The following KLF12 variants were observed in gnomAD, a reference collection of about 807,000 sequenced individuals.
KLF12 encodes Krueppel-like factor 12.
A neutral mutation model predicts 37.8 loss-of-function variants in KLF12; 9 were observed. The observed-to-expected ratio is 0.24, with a 90% confidence interval of 0.14 to 0.42. The LOEUF is 0.42. Among genes scored for constraint, KLF12 ranks in the 10% least tolerant of loss-of-function variants. The probability of loss-of-function intolerance (pLI) is 1.00; values close to 1 mark genes in which losing one functional copy is unlikely to be tolerated. For missense variants in KLF12, 411 were observed against 516.0 expected, an observed-to-expected ratio of 0.80 and a Z score of 1.97; for synonymous variants, 208 against 202.1, an observed-to-expected ratio of 1.03 and a Z score of -0.25.
At chr13:74,047,410 C>T (rs141110431) in intron 1 of KLF12, among the ~76,000 whole-genome samples, 15,573 of 148,068 alleles carry the variant, frequency 0.11, 867 homozygotes, top group Admixed American at 0.11. Context: ...GCTAACACGG[C>T]GAAACCCCGT....
At chr13:74,266,058 T>A in the KLF12 span, among the ~76,000 whole-genome samples, 1 of 152,188 alleles carries the variant, frequency 6.6e-6, no homozygotes, top group Admixed American at 6.5e-5. Context: ...CAGCTGCTGT[T>A]CCAGATGTTG....
At chr13:73,758,972 A>C (rs1427523599) in intron 6 of KLF12, among the ~76,000 whole-genome samples, 1 of 152,158 alleles carries the variant, frequency 6.6e-6, no homozygotes, top group Non-Finnish European at 1.5e-5. Flanking sequence ...CCCAAGCTAA[A>C]TTTGAGGAGG....
rs1257893840 is a variant in KLF12, at chr13:74,114,781, C to T, written c.-32+18958G>A. 2.6e-5 allele frequency among the ~76,000 whole-genome samples: 4 copies of T among 152,286 alleles called. No homozygotes were observed. In the East Asian group the frequency reaches 7.7e-4, roughly 29 times the overall value. On this transcript the variant is annotated intron_variant, in intron 1 of 7. Transcript: ENST00000377669. ...ACAGATGGGGTTTAAAGGAGCATAA[C>T]GTGCTATTTCATACACATGTCCCCC...
intron 5 of KLF12, among the ~76,000 whole-genome samples, chr13:73,782,827 T>C (rs142170499): frequency 2.8e-4 from 43 of 152,364 alleles, no homozygotes; most frequent in Admixed American, 7.8e-4. Flanking sequence ...AAAAGAGTTC[T>C]CTACTGTGTC....
intron 5 of KLF12, among the ~76,000 whole-genome samples, chr13:73,767,479 G>C (rs1879992313): frequency 6.6e-6 from 1 of 152,182 alleles, no homozygotes; most frequent in African/African-American, 2.4e-5. Flanking sequence ...GATGTGGAAA[G>C]AAAAAACACC....
chr13:73,943,574 C>A (rs947898411), intron 3 of KLF12, among the ~76,000 whole-genome samples: 1 of 152,228 alleles, frequency 6.6e-6, no homozygotes, highest in Non-Finnish European at 1.5e-5. Context: ...ACCCATCCAA[C>A]AAACAGTAAC....
the KLF12 span, among the ~76,000 whole-genome samples, chr13:74,255,883 C>T: frequency 5.3e-5 from 8 of 152,178 alleles, no homozygotes; most frequent in East Asian, 1.9e-4. Flanking sequence ...AGGCCGGGCA[C>T]GGTGGCTCAC....
chr13:74,034,069 T>C (rs1373482563), intron 1 of KLF12, among the ~76,000 whole-genome samples: 2 of 152,130 alleles, frequency 1.3e-5, no homozygotes, highest in Non-Finnish European at 2.9e-5. Flanking sequence ...TTTTGTTTTG[T>C]TTTTGTTTTT....
intron 7 of KLF12, 139 bp from the exon 8 acceptor site, chr13:73,695,810 C>T: frequency 1.3e-6 from 1 of 777,966 alleles, no homozygotes; most frequent in East Asian, 2.6e-5. Flanking sequence ...CCTTACCATC[C>T]CACCAGCGGT....
At chr13:74,163,854 C>A in the KLF12 span, among the ~76,000 whole-genome samples, 1 of 149,360 alleles carries the variant, frequency 6.7e-6, no homozygotes. Context: ...TATATATACA[C>A]CTACTATGTA....
At chr13:73,851,668 C>A (rs1885342212) in intron 3 of KLF12, among the ~76,000 whole-genome samples, 1 of 152,106 alleles carries the variant, frequency 6.6e-6, no homozygotes, top group Non-Finnish European at 1.5e-5. Context: ...AATACAGGAG[C>A]ATATTTGTTT....
At chr13:73,841,975 G>C (rs1181737962) in intron 4 of KLF12, among the ~76,000 whole-genome samples, 1 of 152,014 alleles carries the variant, frequency 6.6e-6, no homozygotes. Flanking sequence ...TTATATCCAA[G>C]GCCCAGTAGA....
intron 1 of KLF12, among the ~76,000 whole-genome samples, chr13:74,065,519 T>C (rs756426563): frequency 5.9e-5 from 9 of 152,094 alleles, no homozygotes; most frequent in South Asian, 2.1e-4. Context: ...AGTGAACCCA[T>C]AGGCATCCAT....
the KLF12 span, among the ~76,000 whole-genome samples, chr13:74,217,148 T>C: frequency 6.6e-6 from 1 of 152,106 alleles, no homozygotes; most frequent in Non-Finnish European, 1.5e-5. Flanking sequence ...TATCAGAACA[T>C]TAAATGTTAG....
intron 3 of KLF12, among the ~76,000 whole-genome samples, chr13:73,881,527 T>G (rs901044680): frequency 1.3e-5 from 2 of 152,194 alleles, no homozygotes; most frequent in African/African-American, 4.8e-5. Context: ...TCAGGAGAAT[T>G]TCATTTTCTA....
intron 2 of KLF12, among the ~76,000 whole-genome samples, chr13:73,956,914 C>A (rs1394747887): frequency 6.7e-6 from 1 of 148,782 alleles, no homozygotes; most frequent in Non-Finnish European, 1.5e-5. Flanking sequence ...AGAGTAAGGC[C>A]CTGTGAAAGA....
rs114407458 is a variant in KLF12 at position 74,034,658 on chromosome 13, T to G, written c.-31-39605A>C. ...TACAAAGATATTCACTTAAATCCTATTTTAGTACCTTTTGTCTATTACTCT... is the reference window on the plus strand; with the variant it reads ...TACAAAGATATTCACTTAAATCCTAGTTTAGTACCTTTTGTCTATTACTCT... On this transcript the variant is annotated intron_variant, in intron 1 of 7. Transcript: ENST00000377669. Among the ~76,000 whole-genome samples, 1,046 of 152,340 alleles carry G rather than the reference T, an allele frequency of 6.9e-3. 5 individuals are homozygous for G. The highest frequency in any genetic ancestry group is 0.023 in the African/African-American group (972 of 41,578).
intron 3 of KLF12, among the ~76,000 whole-genome samples, chr13:73,847,996 G>C (rs1885120927): frequency 6.6e-6 from 1 of 151,966 alleles, no homozygotes; most frequent in Non-Finnish European, 1.5e-5. Context: ...TCTTTGCTTA[G>C]GTTGCTTTCA....
At chr13:74,134,141 G>A (rs1370131362), upstream of KLF12, among the ~76,000 whole-genome samples, 1 of 138,714 alleles carries the variant, frequency 7.2e-6, no homozygotes, top group Non-Finnish European at 1.6e-5. Context: ...CCGCAGCTCA[G>A]GAAACCGGAG....
Sources: allele counts gnomAD v4.1 joint callset (sites outside exome capture counted in the v4.1 genomes callset), GRCh38; gene constraint gnomAD v4.1.1; transcripts MANE v1.5; gene names NCBI Gene and HGNC (gene_info 2026-07-23, HGNC 2026-07-21).